The following GLCCI1 variants were observed in gnomAD, a reference collection of about 807,000 sequenced individuals.
The protein encoded by GLCCI1 is glucocorticoid induced 1.
GLCCI1 carries 24 observed loss-of-function variants against 52.2 expected under a neutral mutation model. That is an observed-to-expected ratio of 0.46 (90% CI 0.33 to 0.65). The LOEUF (loss-of-function observed/expected upper bound fraction) is 0.65, where lower values mean the gene tolerates loss of function less well. Ranked by LOEUF, GLCCI1 falls within the 30% of genes least tolerant of loss-of-function variation. The pLI is 0.02. For synonymous variants in GLCCI1, 310 were observed against 276.5 expected (o/e 1.12, Z -1.20); for missense variants, 704 against 701.5 (o/e 1.00, Z -0.04).
intron 3 of GLCCI1, among the ~76,000 whole-genome samples, chr7:8,041,794 G>A (rs1782004645): frequency 6.6e-6 from 1 of 152,014 alleles, no homozygotes; most frequent in Non-Finnish European, 1.5e-5. Context: ...GTCTCATTAT[G>A]TTGCCCAGAC....
At chr7:8,071,188 T>A (rs540001024) in intron 6 of GLCCI1, 57 bp downstream of exon 6, 2 of 1,348,786 alleles carry the variant, frequency 1.5e-6, no homozygotes, top group South Asian at 2.5e-5. Flanking sequence ...CATTATACCT[T>A]GTCTTAGACC....
At chr7:8,000,865 G>C (rs1204276938) in intron 1 of GLCCI1, among the ~76,000 whole-genome samples, 1 of 151,710 alleles carries the variant, frequency 6.6e-6, no homozygotes, top group Non-Finnish European at 1.5e-5. Flanking sequence ...TGCAATCCCT[G>C]CTTTTTTTTG....
chr7:8,077,700 G>A (rs981406506), intron 6 of GLCCI1, among the ~76,000 whole-genome samples: 3 of 152,154 alleles, frequency 2.0e-5, no homozygotes, highest in Non-Finnish European at 2.9e-5. Flanking sequence ...TATTAAAGGT[G>A]CCAGAATCTG....
intron 2 of GLCCI1, among the ~76,000 whole-genome samples, chr7:8,008,969 C>T (rs1157037440): frequency 6.6e-6 from 1 of 151,992 alleles, no homozygotes; most frequent in Non-Finnish European, 1.5e-5. Flanking sequence ...GACCCACTGA[C>T]TTAACTGCTT....
chr7:7,976,052 G>A (rs1481597142), intron 1 of GLCCI1, among the ~76,000 whole-genome samples: 1 of 152,206 alleles, frequency 6.6e-6, no homozygotes, highest in Non-Finnish European at 1.5e-5. Flanking sequence ...GCACTAGGTT[G>A]ATTCAGCCCT....
intron 3 of GLCCI1, among the ~76,000 whole-genome samples, chr7:8,038,809 CAG>C (rs1287699001): frequency 6.6e-6 from 1 of 151,946 alleles, no homozygotes; most frequent in Non-Finnish European, 1.5e-5. Context: ...AAATAAATAA[CAG>C]AGAAAATAGA....
chr7:8,060,200 A>G lies in GLCCI1; in HGVS notation c.918A>G (p.Leu306=). 1 of 1,612,492 alleles carries G rather than the reference A, an allele frequency of 6.2e-7. No homozygotes were observed. Among genetic ancestry groups the G allele is most frequent in the Non-Finnish European group, 8.5e-7 (1 of 1,178,588 alleles). ...PCNVEGISPE[L]EKVFIKENNG... is the part of the protein sequence containing the mutation. Reference sequence around the variant, plus strand: ...ATGTAGAAGGAATAAGTCCTGAATTAGAAAAGGTATTCATTAAAGAAAATA... The same window carrying G: ...ATGTAGAAGGAATAAGTCCTGAATTGGAAAAGGTATTCATTAAAGAAAATA... The change falls in exon 5 of 8, where the codon TTA becomes TTG. Residue 306 remains leucine (L), a synonymous_variant. Transcript: ENST00000223145.
chr7:7,974,178 T>C (rs1040596829), intron 1 of GLCCI1, among the ~76,000 whole-genome samples: 2 of 152,110 alleles, frequency 1.3e-5, no homozygotes, highest in African/African-American at 4.8e-5. Flanking sequence ...TACAGAACTA[T>C]TTTTTTCCAT....
At chr7:8,064,073 A>C (rs1782577340) in intron 5 of GLCCI1, among the ~76,000 whole-genome samples, 1 of 152,120 alleles carries the variant, frequency 6.6e-6, no homozygotes, top group African/African-American at 2.4e-5. Flanking sequence ...TCTGTTGTTG[A>C]AACCTATTGT....
chr7:8,014,178 A>G (rs1001126424), intron 2 of GLCCI1, among the ~76,000 whole-genome samples: 12 of 152,060 alleles, frequency 7.9e-5, no homozygotes, highest in Admixed American at 4.6e-4. Flanking sequence ...TTTAGTAGAG[A>G]CGGGGTTTCA....
intron 1 of GLCCI1, among the ~76,000 whole-genome samples, chr7:7,995,244 C>T (rs1780916467): frequency 6.6e-6 from 1 of 152,148 alleles, no homozygotes; most frequent in Non-Finnish European, 1.5e-5. Flanking sequence ...AGGTGTTTGA[C>T]CAGTAATATT....
At chr7:8,014,654 T>C (rs1175460440) in intron 2 of GLCCI1, among the ~76,000 whole-genome samples, 1 of 152,226 alleles carries the variant, frequency 6.6e-6, no homozygotes, top group Non-Finnish European at 1.5e-5. Flanking sequence ...GTCACTTGGG[T>C]CTGAAAGGAT....
chr7:8,069,787 C>G (rs1427118281), intron 5 of GLCCI1, among the ~76,000 whole-genome samples: 1 of 152,014 alleles, frequency 6.6e-6, no homozygotes, highest in Non-Finnish European at 1.5e-5. Context: ...CTGATTTTAC[C>G]TTCCTTCATT....
At position 7,969,598 on chromosome 7, in the gene GLCCI1, C is replaced by T. The variant is rs1780294797; in HGVS notation, c.248C>T (p.Pro83Leu). ...LRGSQHSPTR[P>L]PVAAAAASLG... is the part of the protein sequence containing the mutation. ...GGCAGCCAGCACAGTCCCACGCGTCCGCCCGTCGCCGCTGCCGCCGCCTCG... is the reference window on the plus strand; with the variant it reads ...GGCAGCCAGCACAGTCCCACGCGTCTGCCCGTCGCCGCTGCCGCCGCCTCG... Residue 83 changes from proline to leucine, a missense_variant, in exon 1 of 8, where the codon CCG (proline) becomes CTG (leucine). Transcript: ENST00000223145. This position sits in a 1 kb window ranked among gnomAD's most constrained non-coding sequence, Gnocchi z 4.9. 1 of 1,032,724 alleles carries T rather than the reference C, an allele frequency of 9.7e-7. No homozygotes were observed. The highest frequency in any genetic ancestry group is 1.2e-6 in the Non-Finnish European group (1 of 862,018). The allele number at this position is 1,032,724 out of a possible 1,614,324, so 64.0% of individuals were successfully genotyped here.
At chr7:8,085,847 CTTT>C (rs1454831108) in intron 7 of GLCCI1, among the ~76,000 whole-genome samples, 1 of 152,192 alleles carries the variant, frequency 6.6e-6, no homozygotes, top group Non-Finnish European at 1.5e-5. Flanking sequence ...CTCTGGTATA[CTTT>C]TTCTTAACAG....
chr7:8,054,058 T>A (rs1375356102), intron 3 of GLCCI1, among the ~76,000 whole-genome samples: 1 of 152,184 alleles, frequency 6.6e-6, no homozygotes, highest in Non-Finnish European at 1.5e-5. Context: ...AATATTTTTT[T>A]AAATGAGTAA....
At chr7:7,983,798 G>C (rs1583945381) in intron 1 of GLCCI1, among the ~76,000 whole-genome samples, 1 of 152,152 alleles carries the variant, frequency 6.6e-6, no homozygotes, top group South Asian at 2.1e-4. Context: ...TAATAGTTTA[G>C]GTAACTGATG....
At chr7:7,992,996 T>A (rs955568603) in intron 1 of GLCCI1, among the ~76,000 whole-genome samples, 1 of 152,170 alleles carries the variant, frequency 6.6e-6, no homozygotes, top group Non-Finnish European at 1.5e-5. Context: ...TCATCACTGT[T>A]GTCATTTAAA....
chr7:8,043,483 A>G (rs1782048697), intron 3 of GLCCI1, among the ~76,000 whole-genome samples: 1 of 152,230 alleles, frequency 6.6e-6, no homozygotes, highest in Non-Finnish European at 1.5e-5. Context: ...GTAAGACTAC[A>G]TGTTATATGA....
Sources: gnomAD v4.1 joint callset for allele counts (sites outside exome capture counted in the v4.1 genomes callset) on GRCh38, gnomAD v4.1.1 for gene constraint, Gnocchi (gnomAD v3.1) non-coding constraint, MANE v1.5 for transcripts, NCBI Gene and HGNC (gene_info 2026-07-23, HGNC 2026-07-21) for gene names.